Variants in SCUBE2 observed in about 807,000 individuals in gnomAD.
SCUBE2 encodes signal peptide, CUB domain and EGF like domain containing 2.
SCUBE2 carries 114 observed loss-of-function variants against 125.9 expected under a neutral mutation model. The ratio of observed to expected loss-of-function variants is 0.91; its 90% CI spans 0.78 to 1.06. The LOEUF (loss-of-function observed/expected upper bound fraction) is 1.06. Ranked by LOEUF, SCUBE2 falls within the 50% of genes least tolerant of loss-of-function variation. The pLI is 0.00. For synonymous variants in SCUBE2, 459 were observed against 492.9 expected (o/e 0.93, Z 0.91); for missense variants, 1,255 against 1,301.8 (o/e 0.96, Z 0.55).
intron 21 of SCUBE2, chr11:9,022,406 A>G (rs1258298113): frequency 6.4e-6 from 1 of 156,292 alleles, no homozygotes; most frequent in East Asian, 1.8e-4. Context: ...CTTCCATCTC[A>G]CTTACCTGCT....
At chr11:9,046,527 T>G (rs1370908868) in intron 16 of SCUBE2, among the ~76,000 whole-genome samples, 1 of 152,082 alleles carries the variant, frequency 6.6e-6, no homozygotes, top group Non-Finnish European at 1.5e-5. Context: ...CCCAACAGGA[T>G]AGCAGACGGG....
At chr11:9,080,033 G>T (rs565250384) in intron 2 of SCUBE2, among the ~76,000 whole-genome samples, 1 of 152,150 alleles carries the variant, frequency 6.6e-6, no homozygotes, top group Non-Finnish European at 1.5e-5. Flanking sequence ...AAATTTGGGG[G>T]ACTTTAACTC....
intron 2 of SCUBE2, among the ~76,000 whole-genome samples, chr11:9,087,149 T>C (rs1342887777): frequency 3.3e-5 from 5 of 152,186 alleles, no homozygotes; most frequent in Non-Finnish European, 5.9e-5. Context: ...AACTAAATAA[T>C]AGACTTTTAA....
chr11:9,069,023 G>A (rs1860520022), intron 5 of SCUBE2, among the ~76,000 whole-genome samples: 1 of 152,196 alleles, frequency 6.6e-6, no homozygotes, highest in Admixed American at 6.5e-5. Flanking sequence ...AGGCAGATGA[G>A]GTTTATAGGG....
intron 16 of SCUBE2, among the ~76,000 whole-genome samples, chr11:9,039,245 AGAT>A (rs1473013549): frequency 6.7e-6 from 1 of 148,568 alleles, no homozygotes; most frequent in Non-Finnish European, 1.5e-5. Flanking sequence ...ACTGAGCTAG[AGAT>A]GACGGTGGCT....
intron 4 of SCUBE2, among the ~76,000 whole-genome samples, chr11:9,074,118 C>G (rs1234567956): frequency 1.3e-5 from 2 of 152,302 alleles, no homozygotes; most frequent in East Asian, 3.9e-4. Context: ...AGGGAGCAGG[C>G]TCATACTGGT....
Position 9,053,685 on chromosome 11 carries a change from G to T in SCUBE2, c.1282C>A (p.Gln428Lys). The T allele has an allele frequency of 6.2e-7, 1 of 1,614,134 alleles. No individual in the cohort carries two copies. Among genetic ancestry groups the T allele is most frequent in the Non-Finnish European group, 8.5e-7 (1 of 1,180,006 alleles). The change falls in exon 11 of 23, where the codon CAG (glutamine) becomes AAG (lysine). Residue 428 changes from glutamine to lysine, a missense_variant. By Grantham distance (53) the Gln-to-Lys change is moderately conservative. Around this residue, in one of 3 missense-constraint regions of SCUBE2, gnomAD observed 378 missense variants for 463.1 expected, o/e 0.82. Coordinates refer to ENST00000649792, the MANE Select transcript of SCUBE2 (RefSeq NM_001367977.2). ...CVNTVGSYEC[Q>K]CHPGYKLHWN... ...TGGAGCTTGTACCCAGGGTGGCACT[G>T]GCATTCATAGCTGCCCACTGTGTTC...
intron 7 of SCUBE2, chr11:9,065,165 ATCT>A (rs951145481): frequency 3.0e-4 from 46 of 152,102 alleles, no homozygotes; most frequent in African/African-American, 1.1e-3. Flanking sequence ...CCATATTATT[ATCT>A]TAATTGAGCA....
In SCUBE2 at chr11:9,034,829, A is replaced by ACAAG. The variant is rs1856622523; in HGVS notation, c.2003-1034_2003-1033insCTTG. On this transcript the variant is annotated intron_variant, in intron 16 of 22. Transcript: ENST00000649792. ...AACCCCGTCTCTACTGAAAAAACAA[A>ACAAG]CAAACAAAACAGAAAAATTAGCTGG... Among the ~76,000 whole-genome samples the ACAAG allele has an allele frequency of 2.0e-5, 3 of 151,348 alleles. No homozygotes were observed. In the South Asian group the frequency reaches 6.3e-4, roughly 32 times the overall value.
Position 9,053,807 on chromosome 11 carries a change from G to T in SCUBE2, c.1208-48C>A, listed in dbSNP as rs377160881. ...GTCATAGCAGCCTGTCACTGAATGG[G>T]CTGACATGGTCCCTCCCTTGAGGAA... On this transcript the variant is annotated intron_variant, in intron 10 of 22. Coordinates refer to ENST00000649792, the MANE Select transcript of SCUBE2 (RefSeq NM_001367977.2). 1.3e-5 allele frequency: 21 copies of T among 1,593,424 alleles called. No homozygotes were observed. The African/African-American group carries it at 2.7e-4, about 20-fold the overall frequency.
At chr11:9,066,877 C>T in intron 5 of SCUBE2, 64 bp from the exon 6 acceptor site, 3 of 1,324,058 alleles carry the variant, frequency 2.3e-6, no homozygotes, top group Non-Finnish European at 3.3e-6. Flanking sequence ...GCTGTGTTTG[C>T]TCCAGAGAAA....
In SCUBE2 at chr11:9,053,775, C is replaced by T. The variant is rs369565859; in HGVS notation, c.1208-16G>A. On this transcript the variant is annotated splice_polypyrimidine_tract_variant and intron_variant, in intron 10 of 22. Transcript: ENST00000649792. The stretch of plus-strand genomic sequence containing the variant: ...TCATTGGTGTCTGTGGAACAAAATA[C>T]TCTCCTGTCATAGCAGCCTGTCACT... 8.0e-5 allele frequency: 129 copies of T among 1,608,182 alleles called. No individual in the cohort carries two copies. The Middle Eastern group carries it at 8.4e-4, about 10-fold the overall frequency.
At chr11:9,038,616 A>AAAAC (rs200488741) in intron 16 of SCUBE2, among the ~76,000 whole-genome samples, 8 of 152,194 alleles carry the variant, frequency 5.3e-5, no homozygotes, top group South Asian at 2.1e-4. Context: ...CCCTGTCTAA[A>AAAAC]AAACAAACAA....
chr11:9,027,052 C>A (rs1052326907), intron 20 of SCUBE2: 7 of 376,584 alleles, frequency 1.9e-5, no homozygotes, highest in African/African-American at 4.1e-5. Context: ...CAGTATGAGG[C>A]CTTGTCTGGG....
chr11:9,042,796 C>T (rs12289825), intron 16 of SCUBE2, among the ~76,000 whole-genome samples: 19,078 of 152,216 alleles, frequency 0.13, 1,223 homozygotes, highest in Middle Eastern at 0.17. Flanking sequence ...CACCTCTTTC[C>T]CCTTCTCAGT....
chr11:9,028,077 G>A lies in SCUBE2; in HGVS notation c.2504-516C>T, dbSNP rs529434309. ...AAAAATTATTATTATTTTGAGATGA[G>A]GTCTCTCTCTGTTGCCCAGGCTGGA... On this transcript the variant is annotated intron_variant, in intron 19 of 22. Transcript: ENST00000649792. Among the ~76,000 whole-genome samples, 6 of 152,190 alleles carry A rather than the reference G, an allele frequency of 3.9e-5. No homozygotes were observed. The South Asian group carries it at 1.2e-3, about 32-fold the overall frequency.
intron 19 of SCUBE2, among the ~76,000 whole-genome samples, chr11:9,027,836 G>T (rs1020594298): frequency 5.9e-5 from 9 of 152,090 alleles, no homozygotes; most frequent in Non-Finnish European, 1.0e-4. Context: ...GTGAACAAAA[G>T]GATAAATTTA....
In SCUBE2 at chr11:9,080,002, A is replaced by T. The variant is rs1361019941; in HGVS notation, c.257-493T>A. On this transcript the variant is annotated intron_variant, in intron 2 of 22. Coordinates refer to ENST00000649792, the MANE Select transcript of SCUBE2 (RefSeq NM_001367977.2). The stretch of plus-strand genomic sequence containing the variant: ...ATGCAAAAGACTCAGAAGAGCAAAA[A>T]CAATTTTGAAAAAGGAGAACAAATT... Among the ~76,000 whole-genome samples, 4 of 152,350 alleles carry T rather than the reference A, an allele frequency of 2.6e-5. No individual in the cohort carries two copies. The East Asian group carries it at 7.7e-4, about 29-fold the overall frequency.
Position 9,047,528 on chromosome 11 carries a change from G to C in SCUBE2, c.1830C>G (p.Thr610=). The part of the protein sequence containing the change: ...SCDLSCIVKR[T]EKRLRKAIRT... ...GGATGGCTTTACGGAGCCGCTTCTCGGTTCGCTTTACGATGCAGCTCAGGT... is the reference window on the plus strand; with the variant it reads ...GGATGGCTTTACGGAGCCGCTTCTCCGTTCGCTTTACGATGCAGCTCAGGT... Residue 610 remains threonine, a synonymous_variant, in exon 16 of 23, where the codon ACC becomes ACG. Transcript: ENST00000649792. 3.7e-6 allele frequency: 6 copies of C among 1,613,978 alleles called. No individual in the cohort carries two copies. The highest frequency in any genetic ancestry group is 4.2e-6 in the Non-Finnish European group (5 of 1,180,010).
Sources: gnomAD v4.1 joint callset for allele counts (sites outside exome capture counted in the v4.1 genomes callset) on GRCh38, gnomAD v4.1.1 for gene constraint, gnomAD v4.1.1 regional missense constraint, MANE v1.5 for transcripts, NCBI Gene and HGNC (gene_info 2026-07-23, HGNC 2026-07-21) for gene names.